The following CCDC57 variants were observed in gnomAD, a reference collection of about 807,000 sequenced individuals.
CCDC57 encodes the protein coiled-coil domain-containing protein 57.
In CCDC57, 118 loss-of-function variants were observed where a neutral mutation model predicts 118.9. The observed-to-expected ratio is 0.99, with a 90% confidence interval of 0.86 to 1.16. CCDC57 has a LOEUF of 1.16. Ranked by LOEUF, CCDC57 falls within the 50% of genes most tolerant of loss-of-function variation. The pLI is 0.00. For synonymous variants in CCDC57, 527 were observed against 532.9 expected, an observed-to-expected ratio of 0.99 and a Z score of 0.15; for missense variants, 1,300 against 1,320.7, an observed-to-expected ratio of 0.98 and a Z score of 0.24.
At chr17:82,113,322 C>A in intron 19 of CCDC57, 1 of 692,480 alleles carries the variant, frequency 1.4e-6, no homozygotes, top group South Asian at 1.6e-5. Context: ...TGACAAGGTG[C>A]TGTGGGGCTG....
intron 1 of CCDC57, among the ~76,000 whole-genome samples, chr17:82,210,071 G>A (rs556164201): frequency 2.9e-4 from 44 of 152,206 alleles, no homozygotes; most frequent in Middle Eastern, 3.4e-3. Flanking sequence ...GCTCCCAGAA[G>A]GTTGGGACGT....
intron 17 of CCDC57, among the ~76,000 whole-genome samples, chr17:82,133,722 G>A (rs1018891873): frequency 2.0e-5 from 3 of 151,890 alleles, no homozygotes; most frequent in Admixed American, 6.6e-5. Flanking sequence ...TTAGTCAGGC[G>A]TGTTGGTGCA....
At chr17:82,177,671 A>G (rs2045700757) in intron 11 of CCDC57, among the ~76,000 whole-genome samples, 1 of 152,214 alleles carries the variant, frequency 6.6e-6, no homozygotes, top group South Asian at 2.1e-4. Context: ...AAGGCAGAGA[A>G]GCAAATTGAA....
chr17:82,149,434 C>G (rs1436191805), intron 16 of CCDC57, among the ~76,000 whole-genome samples: 1 of 152,016 alleles, frequency 6.6e-6, no homozygotes, highest in African/African-American at 2.4e-5. Flanking sequence ...TCCAAGATGC[C>G]CAGCCTCCAC....
chr17:82,169,280 C>T (rs2044373064), intron 13 of CCDC57, among the ~76,000 whole-genome samples: 1 of 152,168 alleles, frequency 6.6e-6, no homozygotes, highest in Non-Finnish European at 1.5e-5. Flanking sequence ...GTGCCTGCCA[C>T]CACGCCCAGC....
intron 19 of CCDC57, among the ~76,000 whole-genome samples, chr17:82,122,317 G>A (rs1306923558): frequency 1.3e-5 from 2 of 152,340 alleles, no homozygotes; most frequent in East Asian, 1.9e-4. Flanking sequence ...ACTCCCGCAC[G>A]GTGGAGGCTG....
intron 19 of CCDC57, among the ~76,000 whole-genome samples, chr17:82,121,627 G>A (rs1027977397): frequency 1.3e-5 from 2 of 152,176 alleles, no homozygotes; most frequent in African/African-American, 2.4e-5. Flanking sequence ...CAGCCATTGC[G>A]GAGCCATTAG....
chr17:82,211,202 C>T (rs1054292947), intron 1 of CCDC57, among the ~76,000 whole-genome samples: 1 of 152,090 alleles, frequency 6.6e-6, no homozygotes, highest in African/African-American at 2.4e-5. Flanking sequence ...TCTCGTAAGA[C>T]GCTGGGAAGG....
intron 8 of CCDC57, among the ~76,000 whole-genome samples, chr17:82,184,495 C>T (rs2046693431): frequency 6.6e-6 from 1 of 152,212 alleles, no homozygotes; most frequent in South Asian, 2.1e-4. Flanking sequence ...AGAAAATGTT[C>T]GGGACAATAT....
intron 16 of CCDC57, among the ~76,000 whole-genome samples, chr17:82,149,528 G>A (rs1455671038): frequency 1.3e-5 from 2 of 152,056 alleles, no homozygotes; most frequent in African/African-American, 4.8e-5. Flanking sequence ...CAGAAATGCC[G>A]GCTGCTTTGC....
chr17:82,178,812 G>A (rs6502085), intron 10 of CCDC57, among the ~76,000 whole-genome samples: 108,188 of 152,240 alleles, frequency 0.71, 39,170 homozygotes, highest in East Asian at 0.95. Context: ...CAAACCACGC[G>A]GCTGGTCAAC....
intron 18 of CCDC57, among the ~76,000 whole-genome samples, 200 bp from the exon 18 acceptor site, chr17:82,128,108 G>A (rs1380851564): frequency 1.3e-5 from 2 of 152,134 alleles, no homozygotes; most frequent in African/African-American, 4.8e-5. Flanking sequence ...CGCTGGGAAC[G>A]CTGAGTGTGG....
intron 2 of CCDC57, among the ~76,000 whole-genome samples, chr17:82,205,836 A>C (rs2049559222): frequency 6.6e-6 from 1 of 152,316 alleles, no homozygotes; most frequent in South Asian, 2.1e-4. Context: ...CTCAGGACCC[A>C]TAAGAAGCCC....
chr17:82,184,037 A>ACG (rs2046623362), intron 8 of CCDC57, 105 bp from the exon 8 acceptor site: 2 of 319,450 alleles, frequency 6.3e-6, no homozygotes, highest in Admixed American at 4.5e-5. Flanking sequence ...GCGCGCACAC[A>ACG]CACACACACA....
exon 17 of CCDC57, chr17:82,134,077 G>A: frequency 7.1e-7 from 1 of 1,410,872 alleles, no homozygotes; most frequent in South Asian, 1.6e-5. Flanking sequence ...TGTTACCTGA[G>A]ATGTAAAATG....
intron 17 of CCDC57, among the ~76,000 whole-genome samples, chr17:82,130,857 G>C (rs2038257420): frequency 6.6e-6 from 1 of 150,636 alleles, no homozygotes; most frequent in Non-Finnish European, 1.5e-5. Context: ...TGTCACCCAG[G>C]CTGGAGCACA....
chr17:82,141,789 C>T (rs1359732566), intron 16 of CCDC57, among the ~76,000 whole-genome samples: 3 of 152,276 alleles, frequency 2.0e-5, no homozygotes, highest in South Asian at 2.1e-4. Flanking sequence ...GGAAAAAACA[C>T]CTTTCTTTGA....
Position 82,150,659 on chromosome 17 carries a change from G to A in CCDC57, c.2455+901C>T, listed in dbSNP as rs1246657335. On this transcript the variant is annotated intron_variant, in intron 16 of 19. Coordinates refer to ENST00000665763, the Ensembl canonical transcript of CCDC57. ...ACCAGGAGCACACCCAGAACCAGGC[G>A]CACACCCAGAACCTGACCCGCACCT... is the stretch of plus-strand genomic sequence containing the variant. Among the ~76,000 whole-genome samples, 11 of 53,054 alleles carry A rather than the reference G, an allele frequency of 2.1e-4. 2 individuals are homozygous for A. Among genetic ancestry groups the A allele is most frequent in the Admixed American group, 5.3e-4 (2 of 3,798 alleles). The allele number at this position is 53,054 out of a possible 152,430, so 34.8% of individuals were successfully genotyped here. A position where few individuals can be genotyped will look rare whatever the true frequency, so the allele number is the denominator to read the frequency against.
chr17:82,116,192 A>G (rs1423394995), intron 19 of CCDC57, among the ~76,000 whole-genome samples: 1 of 151,854 alleles, frequency 6.6e-6, no homozygotes, highest in African/African-American at 2.4e-5. Context: ...TAAAGAAAAA[A>G]AAAGCCAGCA....
Sources: gnomAD v4.1 joint callset for allele counts (sites outside exome capture counted in the v4.1 genomes callset) on GRCh38, gnomAD v4.1.1 for gene constraint, MANE v1.5 for transcripts, NCBI Gene and HGNC (gene_info 2026-07-23, HGNC 2026-07-21) for gene names.